Variants in DCDC2C observed in about 807,000 individuals in gnomAD.
DCDC2C encodes the protein doublecortin domain containing 2C, also known as doublecortin domain-containing protein 2C.
A neutral mutation model predicts 45.0 loss-of-function variants in DCDC2C; 44 were observed. The ratio of observed to expected loss-of-function variants is 0.98; its 90% CI spans 0.77 to 1.26. The LOEUF (loss-of-function observed/expected upper bound fraction) is 1.26. Among genes scored for constraint, DCDC2C ranks in the 50% most tolerant of loss-of-function variants. DCDC2C has a pLI of 0.00. For missense variants in DCDC2C, 447 were observed against 468.9 expected, an observed-to-expected ratio of 0.95 and a Z score of 0.43; for synonymous variants, 187 against 178.8, an observed-to-expected ratio of 1.05 and a Z score of -0.37.
intron 10 of DCDC2C, among the ~76,000 whole-genome samples, chr2:3,796,852 C>T (rs369361160): frequency 7.9e-5 from 12 of 151,702 alleles, no homozygotes; most frequent in East Asian, 2.0e-4. Flanking sequence ...TGTCTCTGCC[C>T]GGCTTTGGTA....
intron 8 of DCDC2C, among the ~76,000 whole-genome samples, chr2:3,771,444 G>A (rs1164555446): frequency 6.6e-6 from 1 of 152,222 alleles, no homozygotes; most frequent in African/African-American, 2.4e-5. Context: ...AAATGCACAC[G>A]TGGGAGGCGC....
intron 2 of DCDC2C, among the ~76,000 whole-genome samples, chr2:3,711,427 A>AG (rs1272504464): frequency 2.6e-5 from 4 of 152,224 alleles, no homozygotes; most frequent in African/African-American, 9.6e-5. Flanking sequence ...TTAAAAAAAA[A>AG]GTGGTACATT....
intron 2 of DCDC2C, among the ~76,000 whole-genome samples, chr2:3,711,354 C>T (rs1310870952): frequency 4.6e-5 from 7 of 152,072 alleles, no homozygotes; most frequent in Admixed American, 4.6e-4. Flanking sequence ...ATGTTCACTG[C>T]AGCACTATAC....
In DCDC2C at chr2:3,726,884, A is replaced by G. The variant is rs760556174; in HGVS notation, c.340-119A>G. ...TCCTGGACCCGCCCCTGGGTGTTCT[A>G]TTGACAAAGGGGTTCCCCCCCTTTC... On this transcript the variant is annotated intron_variant, in intron 2 of 10. Coordinates refer to ENST00000399143, the MANE Select transcript of DCDC2C (RefSeq NM_001287444.2). The G allele has an allele frequency of 2.8e-5, 24 of 866,008 alleles. No homozygotes were observed. In the Admixed American group the frequency reaches 5.1e-4, roughly 18 times the overall value. The allele number at this position is 866,008 out of a possible 1,614,324, so 53.6% of individuals were successfully genotyped here. A position where few individuals can be genotyped will look rare whatever the true frequency, so the allele number is the denominator to read the frequency against.
At chr2:3,773,325 A>C (rs6711963) in intron 8 of DCDC2C, among the ~76,000 whole-genome samples, 22 of 151,612 alleles carry the variant, frequency 1.5e-4, no homozygotes, top group African/African-American at 4.6e-4. Flanking sequence ...ATTTTCAAAG[A>C]ATTTTTAATT....
chr2:3,721,190 T>A (rs957824538), intron 2 of DCDC2C, among the ~76,000 whole-genome samples: 2 of 152,166 alleles, frequency 1.3e-5, no homozygotes, highest in African/African-American at 4.8e-5. Context: ...AAGAGCCAGC[T>A]TTTGGCTCAT....
chr2:3,824,953 G>C (rs1671778461), intron 10 of DCDC2C, among the ~76,000 whole-genome samples: 1 of 152,128 alleles, frequency 6.6e-6, no homozygotes, highest in Non-Finnish European at 1.5e-5. Flanking sequence ...CCCAGAAGTG[G>C]AGGGTTTTAT....
intron 10 of DCDC2C, among the ~76,000 whole-genome samples, chr2:3,813,991 T>A (rs1043762038): frequency 2.6e-5 from 4 of 152,184 alleles, no homozygotes; most frequent in African/African-American, 9.7e-5. Flanking sequence ...GTTGTTTATG[T>A]GGTTGCTTCA....
chr2:3,761,535 G>A lies in DCDC2C; in HGVS notation c.727-6219G>A, dbSNP rs139065711. 7.9e-5 allele frequency among the ~76,000 whole-genome samples: 12 copies of A among 152,326 alleles called. No individual in the cohort carries two copies. Among genetic ancestry groups the A allele is most frequent in the Admixed American group, 1.3e-4 (2 of 15,312 alleles). On this transcript the variant is annotated intron_variant, in intron 6 of 10. Transcript: ENST00000399143. This position sits in a 1 kb window ranked among gnomAD's most constrained non-coding sequence, Gnocchi z 4.3. ...GCTGGCTAATCATGTCAAGGCTGGA[G>A]CAATATATCACAACAATCAAGGCTG... is the stretch of plus-strand genomic sequence containing the variant.
intron 10 of DCDC2C, among the ~76,000 whole-genome samples, chr2:3,792,386 C>T (rs1670836730): frequency 6.6e-6 from 1 of 152,110 alleles, no homozygotes; most frequent in Non-Finnish European, 1.5e-5. Flanking sequence ...CTCAGGTTGG[C>T]AGGTGTTTAT....
intron 2 of DCDC2C, among the ~76,000 whole-genome samples, chr2:3,725,278 C>A (rs1668609747): frequency 6.6e-6 from 1 of 152,122 alleles, no homozygotes; most frequent in Non-Finnish European, 1.5e-5. Flanking sequence ...TACATGTGCC[C>A]TGGAGGTGGA....
At chr2:3,778,057 C>T (rs1304423049) in intron 8 of DCDC2C, among the ~76,000 whole-genome samples, 2 of 131,346 alleles carry the variant, frequency 1.5e-5, no homozygotes, top group Non-Finnish European at 3.4e-5. Flanking sequence ...GCTGTGTGGA[C>T]GGGACACCCC....
intron 4 of DCDC2C, among the ~76,000 whole-genome samples, chr2:3,752,214 T>A (rs1669562708): frequency 6.6e-6 from 1 of 152,226 alleles, no homozygotes; most frequent in Admixed American, 6.5e-5. Context: ...CTTTTGCTTA[T>A]TTTTATCTAA....
At chr2:3,758,864 C>T (rs927029475) in intron 6 of DCDC2C, among the ~76,000 whole-genome samples, 2 of 152,238 alleles carry the variant, frequency 1.3e-5, no homozygotes, top group African/African-American at 4.8e-5. Context: ...GGCCTCTCAT[C>T]TTCCAGCAGG....
At chr2:3,792,501 A>G (rs10210433) in intron 10 of DCDC2C, among the ~76,000 whole-genome samples, 37,715 of 152,106 alleles carry the variant, frequency 0.25, 5,339 homozygotes, top group African/African-American at 0.39. Context: ...CCTCTCTGTA[A>G]CTTTTAAGAT....
At chr2:3,727,686 A>G (rs1668734976) in intron 3 of DCDC2C, among the ~76,000 whole-genome samples, 1 of 152,208 alleles carries the variant, frequency 6.6e-6, no homozygotes, top group East Asian at 1.9e-4. Context: ...ATCCACCTGC[A>G]TTATGTTTTT....
At chr2:3,704,195 C>CACAG in intron 1 of DCDC2C, 157 bp downstream of exon 1, 2 of 654,626 alleles carry the variant, frequency 3.1e-6, no homozygotes, top group Non-Finnish European at 4.3e-6. Flanking sequence ...CGGCGTCGGG[C>CACAG]CGCCCCAGGC....
intron 8 of DCDC2C, among the ~76,000 whole-genome samples, chr2:3,773,216 C>T (rs764397478): frequency 2.0e-5 from 3 of 148,224 alleles, no homozygotes; most frequent in Non-Finnish European, 3.0e-5. Flanking sequence ...GTGGTTGTGG[C>T]GTGAATTATC....
intron 8 of DCDC2C, among the ~76,000 whole-genome samples, chr2:3,771,304 A>C (rs1670162029): frequency 6.6e-6 from 1 of 152,168 alleles, no homozygotes; most frequent in Non-Finnish European, 1.5e-5. Flanking sequence ...CAGGTGTTTC[A>C]CAAAAGCTTA....
Sources: allele counts gnomAD v4.1 joint callset (sites outside exome capture counted in the v4.1 genomes callset), GRCh38; gene constraint gnomAD v4.1.1; non-coding constraint Gnocchi (gnomAD v3.1); transcripts MANE v1.5; gene names NCBI Gene and HGNC (gene_info 2026-07-23, HGNC 2026-07-21).